Variants in CSMD2 observed in about 807,000 individuals in gnomAD.
CSMD2 encodes the protein CUB and Sushi multiple domains 2, also known as CUB and sushi domain-containing protein 2.
A neutral mutation model predicts 398.5 loss-of-function variants in CSMD2; 130 were observed. The observed-to-expected ratio is 0.33, with a 90% CI of 0.28 to 0.38. The LOEUF (loss-of-function observed/expected upper bound fraction) is 0.38. Among genes scored for constraint, CSMD2 ranks in the 10% least tolerant of loss-of-function variants. The pLI, the probability that CSMD2 is intolerant of heterozygous loss-of-function variation, is 1.00. For missense variants in CSMD2, 3,829 were observed against 4,764.9 expected (o/e 0.80, Z 5.78); for synonymous variants, 1,828 against 1,908.5 (o/e 0.96, Z 1.10).
intron 7 of CSMD2, 27 bp downstream of exon 7, chr1:33,825,670 C>T: frequency 1.9e-6 from 3 of 1,609,668 alleles, no homozygotes; most frequent in Non-Finnish European, 8.5e-7. Flanking sequence ...AGAGGCCCGG[C>T]AGGCGGGCTG....
chr1:33,825,344 A>C (rs1658673285), intron 7 of CSMD2, among the ~76,000 whole-genome samples: 1 of 152,128 alleles, frequency 6.6e-6, no homozygotes, highest in South Asian at 2.1e-4. Flanking sequence ...AAGGTTACTG[A>C]CTCCTAAAAG....
At chr1:34,003,528 G>A (rs575659516) in intron 3 of CSMD2, among the ~76,000 whole-genome samples, 8 of 152,272 alleles carry the variant, frequency 5.3e-5, no homozygotes, top group Admixed American at 3.9e-4. Flanking sequence ...TTGATTGGAC[G>A]CTGGGTGCCA....
chr1:34,100,720 C>G (rs1021545610), intron 1 of CSMD2, among the ~76,000 whole-genome samples: 3 of 152,180 alleles, frequency 2.0e-5, no homozygotes, highest in Non-Finnish European at 4.4e-5. Flanking sequence ...AGCCATTCTC[C>G]TATTGTCAAA....
intron 13 of CSMD2, among the ~76,000 whole-genome samples, chr1:33,770,256 A>G (rs1196767652): frequency 1.3e-5 from 2 of 152,358 alleles, no homozygotes; most frequent in Middle Eastern, 3.4e-3. Flanking sequence ...GAAAATCCAG[A>G]GAGAAGATGC....
At chr1:34,008,707 A>G (rs1394191080) in intron 3 of CSMD2, among the ~76,000 whole-genome samples, 1 of 152,196 alleles carries the variant, frequency 6.6e-6, no homozygotes, top group East Asian at 1.9e-4. Flanking sequence ...TACGATATTC[A>G]TTTATTCATT....
chr1:33,937,560 C>T (rs1432189394), intron 3 of CSMD2, among the ~76,000 whole-genome samples: 1 of 152,204 alleles, frequency 6.6e-6, no homozygotes, highest in Non-Finnish European at 1.5e-5. Context: ...CCAGAACCCT[C>T]TACCAGCTCT....
chr1:33,861,652 C>T (rs1254001791), intron 5 of CSMD2, among the ~76,000 whole-genome samples: 1 of 152,176 alleles, frequency 6.6e-6, no homozygotes, highest in Non-Finnish European at 1.5e-5. Flanking sequence ...GTACTTTGGT[C>T]AGGGTCCCCG....
chr1:33,911,887 A>G (rs1244776480), intron 5 of CSMD2, among the ~76,000 whole-genome samples: 1 of 152,150 alleles, frequency 6.6e-6, no homozygotes, highest in Non-Finnish European at 1.5e-5. Context: ...TTCTGGGACT[A>G]TTTCTTCTTG....
At chr1:34,165,705 G>A (rs1417087565), upstream of CSMD2, 5 of 1,597,778 alleles carry the variant, frequency 3.1e-6, no homozygotes, top group Non-Finnish European at 4.3e-6. Context: ...TCTGGGAAAA[G>A]GTAACCAAAG....
chr1:33,803,268 T>G (rs1365597265), intron 10 of CSMD2, among the ~76,000 whole-genome samples: 1 of 152,220 alleles, frequency 6.6e-6, no homozygotes, highest in Non-Finnish European at 1.5e-5. Context: ...CTCTTCAGTC[T>G]TTCCAAGAAA....
intron 14 of CSMD2, among the ~76,000 whole-genome samples, chr1:33,740,195 G>C (rs933956352): frequency 3.9e-5 from 6 of 152,104 alleles, no homozygotes; most frequent in African/African-American, 1.4e-4. Context: ...CCTCTGCATG[G>C]GAAGATACTC....
chr1:33,855,254 C>G (rs577922906), intron 5 of CSMD2, among the ~76,000 whole-genome samples: 1 of 152,168 alleles, frequency 6.6e-6, no homozygotes. Context: ...CAGCTCCTGA[C>G]AGGGGTAGCC....
At chr1:34,006,238 T>C (rs1647049947) in intron 3 of CSMD2, among the ~76,000 whole-genome samples, 2 of 152,186 alleles carry the variant, frequency 1.3e-5, no homozygotes, top group African/African-American at 4.8e-5. Flanking sequence ...CCAGACCTCA[T>C]CAGGGTCCCT....
intron 44 of CSMD2, among the ~76,000 whole-genome samples, chr1:33,590,281 C>A (rs908425655): frequency 6.8e-6 from 1 of 147,738 alleles, no homozygotes; most frequent in Non-Finnish European, 1.5e-5. Context: ...GCCACCACAC[C>A]TGGCTAATTA....
At chr1:33,581,354 T>TAAAAA (rs35599517) in intron 47 of CSMD2, among the ~76,000 whole-genome samples, 1 of 84,222 alleles carries the variant, frequency 1.2e-5, no homozygotes, top group African/African-American at 4.5e-5. Context: ...CCATCTTTAC[T>TAAAAA]AAAAAAAAAA....
chr1:33,841,488 C>T (rs1660845390), intron 6 of CSMD2, among the ~76,000 whole-genome samples: 1 of 152,152 alleles, frequency 6.6e-6, no homozygotes, highest in Non-Finnish European at 1.5e-5. Flanking sequence ...GGGTGCTGTC[C>T]TCCCAGCCAG....
chr1:33,543,187 T>A (rs963309267), intron 57 of CSMD2, among the ~76,000 whole-genome samples: 1 of 152,234 alleles, frequency 6.6e-6, no homozygotes, highest in Non-Finnish European at 1.5e-5. Context: ...AAATATCCAA[T>A]CAGTGCTTGA....
chr1:33,787,983 C>G (rs559136298), intron 12 of CSMD2, among the ~76,000 whole-genome samples: 3 of 152,116 alleles, frequency 2.0e-5, no homozygotes. Context: ...AAGCTATTGT[C>G]CTCTCTAAAG....
chr1:34,162,715 C>A (rs1641462583), intron 1 of CSMD2, among the ~76,000 whole-genome samples: 6 of 151,982 alleles, frequency 3.9e-5, no homozygotes, highest in Admixed American at 3.9e-4. Context: ...AAAAATTAAC[C>A]GGGCGTGGTG....
Sources: allele counts gnomAD v4.1 joint callset (sites outside exome capture counted in the v4.1 genomes callset), GRCh38; gene constraint gnomAD v4.1.1; transcripts MANE v1.5; gene names NCBI Gene and HGNC (gene_info 2026-07-23, HGNC 2026-07-21).